The following DSC2 variants were observed in gnomAD, a reference collection of about 807,000 sequenced individuals.
The protein encoded by DSC2 is desmocollin-2.
In DSC2, 51 loss-of-function variants were observed where a neutral mutation model predicts 87.6. That is an observed-to-expected ratio of 0.58 (90% CI 0.46 to 0.74). The LOEUF is 0.74. Ranked by LOEUF, DSC2 falls within the 30% of genes least tolerant of loss-of-function variation. The pLI is 0.00. For missense variants in DSC2, 1,066 were observed against 1,089.5 expected (o/e 0.98, Z 0.30); for synonymous variants, 383 against 393.2 (o/e 0.97, Z 0.31).
At chr18:31,072,312 G>T (rs1986861715) in intron 12 of DSC2, among the ~76,000 whole-genome samples, 1 of 152,176 alleles carries the variant, frequency 6.6e-6, no homozygotes, top group African/African-American at 2.4e-5. Context: ...CTTACTGTCA[G>T]AGACTAATTC....
intron 13 of DSC2, 47 bp from the exon 14 acceptor site, chr18:31,070,897 A>C (rs771061771): frequency 6.2e-7 from 1 of 1,600,706 alleles, no homozygotes; most frequent in Non-Finnish European, 8.6e-7. Context: ...AAATAATATG[A>C]AGTTATAAAT....
At chr18:31,096,454 C>T (rs937783505) in intron 1 of DSC2, among the ~76,000 whole-genome samples, 7 of 152,100 alleles carry the variant, frequency 4.6e-5, no homozygotes, top group African/African-American at 1.2e-4. Flanking sequence ...TAAGAGGATC[C>T]GCTCCACATT....
intron 2 of DSC2, among the ~76,000 whole-genome samples, chr18:31,093,175 G>T (rs1236640343): frequency 1.3e-5 from 2 of 152,090 alleles, no homozygotes; most frequent in African/African-American, 4.8e-5. Flanking sequence ...ACATGTGCAG[G>T]ATGTGCAGGT....
At chr18:31,099,775 A>G (rs1987876692) in intron 1 of DSC2, among the ~76,000 whole-genome samples, 1 of 152,310 alleles carries the variant, frequency 6.6e-6, no homozygotes, top group East Asian at 1.9e-4. Flanking sequence ...AGAAACATTA[A>G]GAAGTGAGGA....
intron 5 of DSC2, 136 bp downstream of exon 5, chr18:31,089,303 A>G: frequency 2.3e-6 from 2 of 870,220 alleles, no homozygotes; most frequent in East Asian, 5.2e-5. Flanking sequence ...TTTCAAGTCA[A>G]TTATGTGCTA....
At chr18:31,092,516 A>G (rs1270280834) in intron 2 of DSC2, among the ~76,000 whole-genome samples, 1 of 152,212 alleles carries the variant, frequency 6.6e-6, no homozygotes, top group Non-Finnish European at 1.5e-5. Flanking sequence ...TAAAGAAGAG[A>G]CATTTGCTCT....
intron 1 of DSC2, among the ~76,000 whole-genome samples, chr18:31,100,373 A>C (rs985327286): frequency 6.6e-6 from 1 of 152,246 alleles, no homozygotes; most frequent in Non-Finnish European, 1.5e-5. Context: ...GCGTCTGTGC[A>C]TGCCTTTTCC....
At chr18:31,083,921 G>A (rs1987314229) in intron 7 of DSC2, among the ~76,000 whole-genome samples, 1 of 152,138 alleles carries the variant, frequency 6.6e-6, no homozygotes. Flanking sequence ...CTGAGCATTA[G>A]GAGACTTGGG....
chr18:31,098,488 TC>T (rs1987834288), intron 1 of DSC2, among the ~76,000 whole-genome samples: 1 of 152,100 alleles, frequency 6.6e-6, no homozygotes, highest in African/African-American at 2.4e-5. Flanking sequence ...AGAGTCTTGC[TC>T]TGTTGTCCAG....
Position 31,086,654 on chromosome 18 carries a change from C to G in DSC2, c.864G>C (p.Val288=). 1 of 1,614,150 alleles carries G rather than the reference C, an allele frequency of 6.2e-7. No individual in the cohort carries two copies. Among genetic ancestry groups the G allele is most frequent in the Non-Finnish European group, 8.5e-7 (1 of 1,180,016 alleles). ...TRLKYSIIGQ[V]PPSPTLFSMH... is the part of the protein sequence containing the mutation. ...TAGAAAATAGGGTGGGTGATGGTGG[C>G]ACCTGCCCAATGATGGAGTACTTCA... The change falls in exon 7 of 16, where the codon GTG becomes GTC. Residue 288 remains valine (V), a synonymous_variant. Transcript: ENST00000280904.
chr18:31,082,888 G>T (rs769217386), intron 8 of DSC2, 38 bp downstream of exon 8: 2 of 1,605,956 alleles, frequency 1.2e-6, no homozygotes, highest in Non-Finnish European at 1.7e-6. Flanking sequence ...ATTAAAACTG[G>T]TCTATACATT....
At chr18:31,089,366 G>A (rs553005883) in intron 5 of DSC2, 73 bp downstream of exon 5, 32 of 1,568,266 alleles carry the variant, frequency 2.0e-5, no homozygotes, top group South Asian at 1.9e-4. Flanking sequence ...AAAAGGTTAC[G>A]TGAATTGCAA....
chr18:31,101,952 G>A lies in DSC2; in HGVS notation c.20C>T (p.Ser7Phe), dbSNP rs1227564823. ...GCAGAGGGCTCCGTTCCAGGAGCCG[G>A]AGGGGCGGGCTGCCTCCATGGAGAG... is the stretch of plus-strand genomic sequence containing the variant. MEAARP[S>F]GSWNGALCRL... Residue 7 changes from serine to phenylalanine, a missense_variant, in exon 1 of 16, where the codon TCC (serine) becomes TTC (phenylalanine). Ser to Phe is a radical substitution (Grantham distance 155). Coordinates refer to ENST00000280904, the MANE Select transcript of DSC2 (RefSeq NM_024422.6). The A allele has an allele frequency of 4.6e-6, 7 of 1,527,746 alleles. No individual in the cohort carries two copies. The highest frequency in any genetic ancestry group is 2.5e-5 in the East Asian group (1 of 39,980). The allele number at this position is 1,527,746 out of a possible 1,614,324, so 94.6% of individuals were successfully genotyped here. A position where few individuals can be genotyped will look rare whatever the true frequency, so the allele number is the denominator to read the frequency against.
chr18:31,067,874 G>T lies in DSC2; in HGVS notation c.*141C>A. On this transcript the variant is annotated 3_prime_UTR_variant, in exon 16 of 16. Transcript: ENST00000280904. ...GTTTATAGTGTCTCTCTGTAAATGT[G>T]CATTTGACCAAAGAGATTCCATCCA... The T allele has an allele frequency of 1.3e-6, 1 of 758,240 alleles. No individual in the cohort carries two copies. Among genetic ancestry groups the T allele is most frequent in the Non-Finnish European group, 2.2e-6 (1 of 462,366 alleles). 47.0% of individuals were successfully genotyped at this position (758,240 alleles called of 1,614,324 possible).
chr18:31,071,506 A>T, intron 13 of DSC2, 99 bp downstream of exon 13: 1 of 1,023,460 alleles, frequency 9.8e-7, no homozygotes. Flanking sequence ...AGATCACACT[A>T]CTGCACTCCA....
At chr18:31,082,614 A>C (rs1158019947) in intron 8 of DSC2, among the ~76,000 whole-genome samples, 191 bp from the exon 9 acceptor site, 1 of 151,978 alleles carries the variant, frequency 6.6e-6, no homozygotes, top group Non-Finnish European at 1.5e-5. Context: ...GGGGATGTGC[A>C]TTTTTTTCTT....
intron 4 of DSC2, 99 bp from the exon 5 acceptor site, chr18:31,089,693 T>C: frequency 2.7e-6 from 3 of 1,104,736 alleles, no homozygotes; most frequent in Non-Finnish European, 3.9e-6. Flanking sequence ...TTAGTTTAAA[T>C]AATTGCCCTT....
At chr18:31,092,406 C>A in intron 2 of DSC2, 106 bp from the exon 3 acceptor site, 1 of 916,410 alleles carries the variant, frequency 1.1e-6, no homozygotes, top group Non-Finnish European at 1.7e-6. Flanking sequence ...ATTCATTATA[C>A]TGACACTTGT....
intron 7 of DSC2, 142 bp downstream of exon 7, chr18:31,086,434 G>T: frequency 1.0e-6 from 1 of 997,378 alleles, no homozygotes. Flanking sequence ...AGGTTATTTA[G>T]TGATCTCTAT....
Sources: gnomAD v4.1 joint callset for allele counts (sites outside exome capture counted in the v4.1 genomes callset) on GRCh38, gnomAD v4.1.1 for gene constraint, MANE v1.5 for transcripts, NCBI Gene and HGNC (gene_info 2026-07-23, HGNC 2026-07-21) for gene names.